The following RBFOX1 variants were observed in gnomAD, a reference collection of about 807,000 sequenced individuals.
The protein encoded by RBFOX1 is RNA binding fox-1 homolog 1.
In RBFOX1, 8 loss-of-function variants were observed where a neutral mutation model predicts 57.7. That is an observed-to-expected ratio of 0.14 (90% confidence interval 0.08 to 0.25). RBFOX1 has a LOEUF of 0.25. Among genes scored for constraint, RBFOX1 ranks in the 10% least tolerant of loss-of-function variants. The probability of loss-of-function intolerance (pLI) is 1.00; values close to 1 mark genes in which losing one functional copy is unlikely to be tolerated. For synonymous variants in RBFOX1, 326 were observed against 222.4 expected (o/e 1.47, Z -4.15); for missense variants, 611 against 548.5 (o/e 1.11, Z -1.14).
chr16:6,651,565 C>T (rs12927658), intron 2 of RBFOX1, among the ~76,000 whole-genome samples: 39,167 of 152,044 alleles, frequency 0.26, 5,288 homozygotes, highest in East Asian at 0.33. Context: ...CACAAGTGCC[C>T]ATGAGGATGT....
intron 4 of RBFOX1, among the ~76,000 whole-genome samples, chr16:7,120,850 C>CACACACATACACACACACAA (rs1253683729): frequency 1.3e-5 from 2 of 149,576 alleles, no homozygotes; most frequent in African/African-American, 4.9e-5. Context: ...CACACACACA[C>CACACACATACACACACACAA]ACACACACAT....
intron 4 of RBFOX1, among the ~76,000 whole-genome samples, chr16:7,471,714 C>G (rs1599275876): frequency 6.6e-6 from 1 of 152,146 alleles, no homozygotes. Flanking sequence ...TGTCCATTTT[C>G]TTGCCCTCAG....
At chr16:6,715,873 C>T (rs2064713030) in intron 3 of RBFOX1, among the ~76,000 whole-genome samples, 1 of 152,128 alleles carries the variant, frequency 6.6e-6, no homozygotes, top group South Asian at 2.1e-4. Flanking sequence ...GTATGAAGCC[C>T]CTTTGGGGTC....
intron 12 of RBFOX1, among the ~76,000 whole-genome samples, chr16:7,658,102 G>A (rs1419567453): frequency 6.6e-6 from 1 of 152,102 alleles, no homozygotes; most frequent in East Asian, 1.9e-4. Flanking sequence ...TGACAACTTG[G>A]TCCATCTTAT....
chr16:5,269,564 A>G (rs2062952323), intron 1 of RBFOX1, among the ~76,000 whole-genome samples: 1 of 152,268 alleles, frequency 6.6e-6, no homozygotes, highest in South Asian at 2.1e-4. Context: ...CACATATGCT[A>G]CAGCATGGGT....
chr16:6,354,630 G>T (rs1354529139), intron 2 of RBFOX1, among the ~76,000 whole-genome samples: 2 of 152,126 alleles, frequency 1.3e-5, no homozygotes, highest in African/African-American at 2.4e-5. Context: ...TATACTAGCT[G>T]CAAGAGTCTT....
At chr16:6,729,133 T>C (rs536634814) in intron 3 of RBFOX1, among the ~76,000 whole-genome samples, 1 of 152,290 alleles carries the variant, frequency 6.6e-6, no homozygotes, top group Non-Finnish European at 1.5e-5. Context: ...TTTTGTTCTT[T>C]ATATGATTTT....
At chr16:6,395,613 C>A (rs1335974890) in intron 2 of RBFOX1, among the ~76,000 whole-genome samples, 2 of 151,944 alleles carry the variant, frequency 1.3e-5, no homozygotes, top group Non-Finnish European at 2.9e-5. Context: ...ACTACAGATT[C>A]ATAACATTTG....
chr16:7,212,033 G>C (rs2091242934), intron 4 of RBFOX1, among the ~76,000 whole-genome samples: 1 of 152,072 alleles, frequency 6.6e-6, no homozygotes, highest in Admixed American at 6.6e-5. Context: ...CACGGTTTCT[G>C]GAAAAGTGGG....
At chr16:6,989,043 G>A (rs569042794) in intron 3 of RBFOX1, among the ~76,000 whole-genome samples, 4 of 152,106 alleles carry the variant, frequency 2.6e-5, no homozygotes, top group Non-Finnish European at 4.4e-5. Context: ...GATTATAAGC[G>A]TGAGCCACCG....
chr16:6,238,529 G>A (rs1301069462), intron 1 of RBFOX1, among the ~76,000 whole-genome samples: 3 of 152,078 alleles, frequency 2.0e-5, no homozygotes, highest in Admixed American at 6.6e-5. Context: ...AACCCTATCC[G>A]TAGCTTTCAT....
chr16:6,798,182 C>G (rs558295581), intron 3 of RBFOX1, among the ~76,000 whole-genome samples: 2 of 152,152 alleles, frequency 1.3e-5, no homozygotes, highest in East Asian at 1.9e-4. Context: ...CTAGTCTCTT[C>G]TCTGGTCGTG....
chr16:5,663,131 AG>A (rs1323303508), intron 3 of RBFOX1, among the ~76,000 whole-genome samples: 3 of 152,216 alleles, frequency 2.0e-5, no homozygotes, highest in Admixed American at 2.0e-4. Context: ...TACAACGCAT[AG>A]GACAGCTGTC....
downstream of RBFOX1, among the ~76,000 whole-genome samples, chr16:5,604,123 A>T (rs1478742846): frequency 6.6e-6 from 1 of 152,218 alleles, no homozygotes; most frequent in Non-Finnish European, 1.5e-5. Context: ...GGAAGAACCC[A>T]AATTTTTACT....
rs2081380551 is a variant in RBFOX1, at chr16:6,318,555, T to C, written c.-64+1498T>C. On this transcript the variant is annotated intron_variant, in intron 2 of 15. Transcript: ENST00000550418. ...GGTTTTCAGATCATACATGACCTTC[T>C]CATTCCTCTGTCTTCTGAATATGAT... is the stretch of plus-strand genomic sequence containing the variant. 2.0e-5 allele frequency among the ~76,000 whole-genome samples: 3 copies of C among 152,172 alleles called. No individual in the cohort carries two copies. The South Asian group carries it at 6.2e-4, about 31-fold the overall frequency.
At chr16:7,047,047 C>CTTTT (rs57082046) in intron 3 of RBFOX1, among the ~76,000 whole-genome samples, 1 of 124,452 alleles carries the variant, frequency 8.0e-6, no homozygotes, top group Non-Finnish European at 1.7e-5. Flanking sequence ...ATGCAATTTC[C>CTTTT]TTTTTTTTTT....
intron 2 of RBFOX1, among the ~76,000 whole-genome samples, chr16:6,520,862 A>T (rs983329815): frequency 6.6e-6 from 1 of 152,194 alleles, no homozygotes; most frequent in Non-Finnish European, 1.5e-5. Flanking sequence ...TGCTATTGTC[A>T]ATAGAAAGTA....
At chr16:5,665,418 CTTATACCCCTTG>C in intron 3 of RBFOX1, among the ~76,000 whole-genome samples, 2 of 119,624 alleles carry the variant, frequency 1.7e-5, no homozygotes, top group African/African-American at 5.3e-5. Context: ...GTAGTTCTCC[CTTATACCCCTTG>C]TTCTCTGGCC....
At chr16:7,488,692 C>T (rs1198216328) in intron 4 of RBFOX1, among the ~76,000 whole-genome samples, 11 of 152,168 alleles carry the variant, frequency 7.2e-5, no homozygotes, top group Non-Finnish European at 1.6e-4. Flanking sequence ...TCTATCTATA[C>T]ATTCTCACAT....
Sources: allele counts gnomAD v4.1 joint callset (sites outside exome capture counted in the v4.1 genomes callset), GRCh38; gene constraint gnomAD v4.1.1; transcripts MANE v1.5; gene names NCBI Gene and HGNC (gene_info 2026-07-23, HGNC 2026-07-21).